Variants in LRRC53 observed in about 807,000 individuals in gnomAD.
LRRC53 encodes the protein leucine rich repeat containing 53, also known as leucine-rich repeat-containing protein 53.
Under a neutral mutation model 13.6 loss-of-function variants are expected in LRRC53, and 25 were observed. The observed-to-expected ratio is 1.83, with a 90% CI of 1.34 to 2.56. The LOEUF is 2.56. Among genes scored for constraint, LRRC53 ranks in the 30% most tolerant of loss-of-function variants. The pLI is 0.00. For missense variants in LRRC53, 527 were observed against 275.8 expected (o/e 1.91, Z -6.45); for synonymous variants, 204 against 109.8 (o/e 1.86, Z -5.37).
At chr1:74,473,353 T>C (rs1668031097) in intron 4 of LRRC53, among the ~76,000 whole-genome samples, 1 of 152,110 alleles carries the variant, frequency 6.6e-6, no homozygotes, top group Non-Finnish European at 1.5e-5. Flanking sequence ...ACGACCCTAT[T>C]GTCTTAACCA....
At chr1:74,531,577 G>A in the LRRC53 span, among the ~76,000 whole-genome samples, 1 of 152,134 alleles carries the variant, frequency 6.6e-6, no homozygotes, top group South Asian at 2.1e-4. Context: ...AATGCCAAAA[G>A]GATGAGCCAG....
At chr1:74,499,144 T>A (rs1447571513) in intron 1 of LRRC53, among the ~76,000 whole-genome samples, 1 of 152,166 alleles carries the variant, frequency 6.6e-6, no homozygotes, top group Non-Finnish European at 1.5e-5. Flanking sequence ...CAGCATGCAT[T>A]TCCCTTGAAC....
At chr1:74,515,108 C>T (rs182008788), upstream of LRRC53, among the ~76,000 whole-genome samples, 78 of 152,296 alleles carry the variant, frequency 5.1e-4, no homozygotes, top group Non-Finnish European at 4.4e-4. Flanking sequence ...AAGAACCAAC[C>T]TTGCCAACAC....
At chr1:74,535,197 T>C in the LRRC53 span, among the ~76,000 whole-genome samples, 1 of 152,060 alleles carries the variant, frequency 6.6e-6, no homozygotes, top group East Asian at 1.9e-4. Flanking sequence ...TAAAGAATCA[T>C]AGAATTCTGT....
intron 1 of LRRC53, among the ~76,000 whole-genome samples, chr1:74,507,250 AATAC>A (rs1669955448): frequency 7.1e-6 from 1 of 140,522 alleles, no homozygotes; most frequent in Non-Finnish European, 1.6e-5. Flanking sequence ...TTAACACAAA[AATAC>A]ATAAAGGATT....
the LRRC53 span, among the ~76,000 whole-genome samples, chr1:74,520,780 G>T: frequency 6.6e-6 from 1 of 152,090 alleles, no homozygotes; most frequent in Non-Finnish European, 1.5e-5. Flanking sequence ...AGTCCCCTTT[G>T]AGTTGCAACA....
intron 1 of LRRC53, among the ~76,000 whole-genome samples, chr1:74,484,126 TC>T (rs200622234): frequency 0.013 from 1,911 of 152,110 alleles, 37 homozygotes; most frequent in African/African-American, 0.044. Context: ...TTTAAAGCTT[TC>T]TCAACCCCCC....
intron 4 of LRRC53, among the ~76,000 whole-genome samples, chr1:74,472,976 T>G (rs985972500): frequency 7.9e-5 from 12 of 152,120 alleles, no homozygotes; most frequent in Non-Finnish European, 1.6e-4. Context: ...AAAGGAAGCT[T>G]CCTTTGACTG....
intron 1 of LRRC53, among the ~76,000 whole-genome samples, chr1:74,497,182 T>C (rs575325500): frequency 1.3e-5 from 2 of 152,288 alleles, no homozygotes; most frequent in South Asian, 4.1e-4. Context: ...TTGTGTAAGA[T>C]GATAGCACCA....
At chr1:74,495,168 G>T (rs1472464914) in intron 1 of LRRC53, among the ~76,000 whole-genome samples, 1 of 152,164 alleles carries the variant, frequency 6.6e-6, no homozygotes, top group Non-Finnish European at 1.5e-5. Context: ...GTATCTGTCT[G>T]CTAGGTGCAA....
chr1:74,522,084 T>G, the LRRC53 span, among the ~76,000 whole-genome samples: 1 of 152,158 alleles, frequency 6.6e-6, no homozygotes, highest in Non-Finnish European at 1.5e-5. Context: ...TTTCCAATTC[T>G]CTCATGCTGA....
rs748048919 is a variant in LRRC53, at chr1:74,475,821, T to G, written c.905-11A>C. On this transcript the variant is annotated splice_polypyrimidine_tract_variant and intron_variant, in intron 3 of 4. Transcript: ENST00000294635. ...TGAGACCAACAGCTCCTATGACAAA[T>G]AGAGAGACCATTAAAAGATAACATC... 2 of 576,000 alleles carry G rather than the reference T, an allele frequency of 3.5e-6. No homozygotes were observed. The highest frequency in any genetic ancestry group is 6.3e-6 in the Non-Finnish European group (2 of 316,216). 35.7% of individuals were successfully genotyped at this position (576,000 alleles called of 1,614,324 possible). A position where few individuals can be genotyped will look rare whatever the true frequency, so the allele number is the denominator to read the frequency against.
upstream of LRRC53, among the ~76,000 whole-genome samples, chr1:74,513,025 A>G (rs143661090): frequency 1.8e-4 from 28 of 152,338 alleles, no homozygotes; most frequent in African/African-American, 6.5e-4. Context: ...AGAGGAAAAT[A>G]GTCTTGACTC....
At chr1:74,487,515 A>G (rs1288645201) in intron 1 of LRRC53, among the ~76,000 whole-genome samples, 1 of 152,144 alleles carries the variant, frequency 6.6e-6, no homozygotes, top group Non-Finnish European at 1.5e-5. Flanking sequence ...GGATTCAATA[A>G]AGTTTAGGAT....
Position 74,494,049 on chromosome 1 carries a change from T to A in LRRC53, c.-26-10674A>T, listed in dbSNP as rs564203028. ...AGCAAAGAAGGCAGTCACTGTGAGC[T>A]TCATAGATACCCTGAAGAGTGCATA... On this transcript the variant is annotated intron_variant, in intron 1 of 4. Coordinates refer to ENST00000294635, the MANE Select transcript of LRRC53 (RefSeq NM_001382280.1). 9.2e-5 allele frequency among the ~76,000 whole-genome samples: 14 copies of A among 152,218 alleles called. No individual in the cohort carries two copies. In the South Asian group the frequency reaches 2.7e-3, roughly 29 times the overall value.
chr1:74,475,924 G>T (rs1182173928), intron 3 of LRRC53, 114 bp from the exon 4 acceptor site: 1 of 467,328 alleles, frequency 2.1e-6, no homozygotes, highest in Admixed American at 3.8e-5. Context: ...ATCAGAATGG[G>T]TAGGAAGTCC....
chr1:74,521,494 C>T, the LRRC53 span, among the ~76,000 whole-genome samples: 5,916 of 152,002 alleles, frequency 0.039, 382 homozygotes, highest in African/African-American at 0.13. Flanking sequence ...CACATGTAAA[C>T]GCATTATGTA....
the LRRC53 span, among the ~76,000 whole-genome samples, chr1:74,522,152 CTT>C: frequency 1.3e-5 from 2 of 152,130 alleles, no homozygotes; most frequent in Non-Finnish European, 2.9e-5. Context: ...CTATTGGAAA[CTT>C]AATATAGCAG....
At chr1:74,526,691 C>A in the LRRC53 span, among the ~76,000 whole-genome samples, 2 of 152,060 alleles carry the variant, frequency 1.3e-5, no homozygotes, top group African/African-American at 4.8e-5. Flanking sequence ...TTTAACATTC[C>A]TCTCCTAGGA....
Sources: gnomAD v4.1 joint callset for allele counts (sites outside exome capture counted in the v4.1 genomes callset) on GRCh38, gnomAD v4.1.1 for gene constraint, MANE v1.5 for transcripts, NCBI Gene and HGNC (gene_info 2026-07-23, HGNC 2026-07-21) for gene names.